The following COA1 variants were observed in gnomAD, a reference collection of about 807,000 sequenced individuals.
COA1 encodes the protein cytochrome c oxidase assembly factor 1.
Under a neutral mutation model 16.0 loss-of-function variants are expected in COA1, and 13 were observed. The observed-to-expected ratio is 0.81, with a 90% confidence interval of 0.53 to 1.29. The LOEUF (loss-of-function observed/expected upper bound fraction) is 1.29, where lower values mean the gene tolerates loss of function less well. Ranked by LOEUF, COA1 falls within the 50% of genes most tolerant of loss-of-function variation. COA1 has a pLI of 0.00. For synonymous variants in COA1, 65 were observed against 65.7 expected (o/e 0.99, Z 0.05); for missense variants, 179 against 177.0 (o/e 1.01, Z -0.06).
chr7:43,718,373 G>T (rs10265186), intron 1 of COA1, among the ~76,000 whole-genome samples: 1 of 152,114 alleles, frequency 6.6e-6, no homozygotes, highest in Non-Finnish European at 1.5e-5. Flanking sequence ...GTGTCAGCAT[G>T]TCCTGCTCTT....
intron 1 of COA1, among the ~76,000 whole-genome samples, chr7:43,676,143 G>A (rs564078244): frequency 1.5e-4 from 23 of 152,176 alleles, no homozygotes; most frequent in South Asian, 6.2e-4. Context: ...AAGAAAGTAC[G>A]ATTAGTATCC....
At chr7:43,629,081 G>A (rs576562564) in intron 6 of COA1, among the ~76,000 whole-genome samples, 2 of 152,246 alleles carry the variant, frequency 1.3e-5, no homozygotes, top group South Asian at 4.1e-4. Context: ...TCTACTGAAC[G>A]TTCAGTGGTT....
Position 43,714,113 on chromosome 7 carries a change from G to A in COA1, c.-39+15316C>T, listed in dbSNP as rs73315816. Among the ~76,000 whole-genome samples, 1,381 of 152,132 alleles carry A rather than the reference G, an allele frequency of 9.1e-3. 28 individuals carry two copies. The highest frequency in any genetic ancestry group is 0.031 in the African/African-American group (1,289 of 41,468). ...TCAGGAGGGAGGATCACTTGAGTCC[G>A]GGACTTCCAGGTTGCAATGAGGTAG... On this transcript the variant is annotated intron_variant, in intron 1 of 5. Coordinates refer to ENST00000223336, the MANE Select transcript of COA1 (RefSeq NM_018224.4).
chr7:43,646,579 C>T (rs1391847339), intron 3 of COA1: 1 of 456,622 alleles, frequency 2.2e-6, no homozygotes, highest in Non-Finnish European at 4.4e-6. Context: ...ACTTAGCAGC[C>T]TCCTAAGGGA....
intron 6 of COA1, among the ~76,000 whole-genome samples, chr7:43,630,113 G>A (rs1349371325): frequency 6.6e-6 from 1 of 152,148 alleles, no homozygotes; most frequent in African/African-American, 2.4e-5. Context: ...AGTTGTGACA[G>A]AGATCTGAAG....
intron 6 of COA1, among the ~76,000 whole-genome samples, chr7:43,629,457 C>T (rs1478371005): frequency 1.3e-5 from 2 of 152,160 alleles, no homozygotes; most frequent in African/African-American, 4.8e-5. Context: ...TTACATTTTT[C>T]AGTGCAGAGA....
intron 1 of COA1, among the ~76,000 whole-genome samples, chr7:43,701,320 A>G (rs1195618341): frequency 6.6e-6 from 1 of 152,062 alleles, no homozygotes; most frequent in African/African-American, 2.4e-5. Context: ...TCGTGTCTTC[A>G]TGCATTCACT....
At chr7:43,648,189 C>T (rs920283913) in intron 2 of COA1, 1 of 246,986 alleles carries the variant, frequency 4.0e-6, no homozygotes, top group African/African-American at 2.2e-5. Flanking sequence ...CATCCATCCA[C>T]TCTTATAATA....
At chr7:43,714,078 T>C (rs2095328243) in intron 1 of COA1, among the ~76,000 whole-genome samples, 1 of 151,988 alleles carries the variant, frequency 6.6e-6, no homozygotes, top group Non-Finnish European at 1.5e-5. Context: ...GCACCAATAG[T>C]CCCAGCTACT....
intron 4 of COA1, among the ~76,000 whole-genome samples, chr7:43,644,762 G>GATAGATAGATAGATAGA (rs1563228848): frequency 1.1e-4 from 9 of 80,104 alleles, no homozygotes; most frequent in Non-Finnish European, 1.8e-4. Context: ...AGATAGATAG[G>GATAGATAGATAGATAGA]CAGGCAGGCA....
At chr7:43,623,284 A>G (rs2084111561) in intron 6 of COA1, 1 of 331,492 alleles carries the variant, frequency 3.0e-6, no homozygotes, top group Non-Finnish European at 5.5e-6. Flanking sequence ...ACAATGCTTA[A>G]TAACACAGAG....
At chr7:43,691,277 G>GAAAAAGA (rs1271233453) in intron 1 of COA1, among the ~76,000 whole-genome samples, 1 of 29,400 alleles carries the variant, frequency 3.4e-5, no homozygotes, top group African/African-American at 1.3e-4. Flanking sequence ...AAGAAAGAAA[G>GAAAAAGA]AAAGAAAGAA....
intron 1 of COA1, among the ~76,000 whole-genome samples, chr7:43,717,200 G>A (rs2095412935): frequency 1.3e-5 from 2 of 152,158 alleles, no homozygotes; most frequent in African/African-American, 2.4e-5. Context: ...CCCCAGAATG[G>A]TAGATCCACT....
intron 1 of COA1, among the ~76,000 whole-genome samples, chr7:43,700,594 G>GTGTGTGTA (rs886725179): frequency 6.7e-6 from 1 of 148,262 alleles, no homozygotes; most frequent in Non-Finnish European, 1.5e-5. Context: ...ATATATACGT[G>GTGTGTGTA]TGTGTGTGTG....
At chr7:43,635,170 A>C (rs1331084208), downstream of COA1, among the ~76,000 whole-genome samples, 3 of 152,180 alleles carry the variant, frequency 2.0e-5, no homozygotes, top group African/African-American at 7.2e-5. Flanking sequence ...ATATTGACTC[A>C]GTCAAACCAC....
intron 6 of COA1, among the ~76,000 whole-genome samples, chr7:43,614,320 G>A (rs932947213): frequency 6.6e-6 from 1 of 152,112 alleles, no homozygotes; most frequent in Non-Finnish European, 1.5e-5. Context: ...TCTATTGATT[G>A]ACCTTGCTTC....
At chr7:43,614,295 C>G (rs1468616175) in intron 6 of COA1, among the ~76,000 whole-genome samples, 3 of 152,144 alleles carry the variant, frequency 2.0e-5, no homozygotes, top group Non-Finnish European at 4.4e-5. Flanking sequence ...CTGCCTATTC[C>G]ACTGTTATCA....
At chr7:43,701,214 C>T (rs1416128640) in intron 1 of COA1, among the ~76,000 whole-genome samples, 1 of 152,030 alleles carries the variant, frequency 6.6e-6, no homozygotes, top group Non-Finnish European at 1.5e-5. Context: ...AGGTAGTAAG[C>T]ATAGTACCCA....
intron 1 of COA1, among the ~76,000 whole-genome samples, chr7:43,714,169 C>T (rs1008755779): frequency 6.6e-6 from 1 of 151,796 alleles, no homozygotes; most frequent in Non-Finnish European, 1.5e-5. Context: ...GCCTGGGTGA[C>T]AGAGCAAAAC....
Sources: gnomAD v4.1 joint callset for allele counts (sites outside exome capture counted in the v4.1 genomes callset) on GRCh38, gnomAD v4.1.1 for gene constraint, MANE v1.5 for transcripts, NCBI Gene and HGNC (gene_info 2026-07-23, HGNC 2026-07-21) for gene names.